EVC: variants seen among roughly 807,000 people sequenced by gnomAD.
The protein encoded by EVC is EvC ciliary complex subunit 1, also known as evC complex member EVC.
EVC carries 116 observed loss-of-function variants against 118.9 expected under a neutral mutation model. The ratio of observed to expected loss-of-function variants is 0.98; its 90% confidence interval spans 0.84 to 1.14. The LOEUF is 1.14. Ranked by LOEUF, EVC falls within the 50% of genes most tolerant of loss-of-function variation. The probability of loss-of-function intolerance (pLI) is 0.00; values close to 1 mark genes in which losing one functional copy is unlikely to be tolerated. For missense variants in EVC, 1,401 were observed against 1,246.4 expected (o/e 1.12, Z -1.87); for synonymous variants, 619 against 534.7 (o/e 1.16, Z -2.18).
At chr4:5,713,191 A>G (rs572295151) in intron 1 of EVC, among the ~76,000 whole-genome samples, 1 of 152,204 alleles carries the variant, frequency 6.6e-6, no homozygotes, top group African/African-American at 2.4e-5. Context: ...GGTGGCAGCC[A>G]TGGAGGGGTC....
intron 5 of EVC, among the ~76,000 whole-genome samples, chr4:5,740,987 A>G (rs1365462052): frequency 6.6e-6 from 1 of 152,222 alleles, no homozygotes; most frequent in African/African-American, 2.4e-5. Context: ...TACATTGCTG[A>G]TGGAAATATA....
At chr4:5,730,530 G>A (rs28667895) in intron 3 of EVC, among the ~76,000 whole-genome samples, 33,068 of 151,878 alleles carry the variant, frequency 0.22, 3,819 homozygotes, top group African/African-American at 0.26. Flanking sequence ...TAGGCCCTGC[G>A]TGGGCCCTGG....
At chr4:5,748,700 C>A (rs1729835714) in intron 8 of EVC, among the ~76,000 whole-genome samples, 1 of 114,792 alleles carries the variant, frequency 8.7e-6, no homozygotes, top group Non-Finnish European at 1.8e-5. Context: ...ATCCATCCAC[C>A]CGTCCACCCA....
In EVC at chr4:5,798,800, C is replaced by T. The variant is rs1714453119; in HGVS notation, c.2304+8C>T. 7 of 1,609,874 alleles carry T rather than the reference C, an allele frequency of 4.3e-6. No homozygotes were observed. Among genetic ancestry groups the T allele is most frequent in the Non-Finnish European group, 5.9e-6 (7 of 1,179,528 alleles). ...GACAGGGATGACTTCAAGGTATGCA[C>T]TGACCTCTGTCCCTGGGGACACCGA... On this transcript the variant is annotated splice_region_variant and intron_variant, in intron 15 of 20. Coordinates refer to ENST00000264956, the MANE Select transcript of EVC (RefSeq NM_153717.3). This position sits in a 1 kb window ranked among gnomAD's most constrained non-coding sequence, Gnocchi z 4.1.
Position 5,771,764 on chromosome 4 carries a change from T to C in EVC, c.1564-11788T>C, listed in dbSNP as rs534035697. The stretch of plus-strand genomic sequence containing the variant: ...GCTGCAGAGTGCAAGGCAGTTTCCA[T>C]GGTCCTTTATTAGGCTTAAAGGGTT... On this transcript the variant is annotated intron_variant, in intron 11 of 20. Transcript: ENST00000264956. Among the ~76,000 whole-genome samples, 480 of 152,324 alleles carry C rather than the reference T, an allele frequency of 3.2e-3. 1 individual carries two copies. The highest frequency in any genetic ancestry group is 5.5e-3 in the Non-Finnish European group (376 of 68,030).
intron 12 of EVC, 74 bp downstream of exon 12, chr4:5,783,838 G>A (rs909153920): frequency 4.4e-5 from 60 of 1,372,760 alleles, no homozygotes; most frequent in South Asian, 1.4e-4. Context: ...GAGATCTCAC[G>A]TCCTGAACAC....
intron 11 of EVC, among the ~76,000 whole-genome samples, chr4:5,770,659 C>A (rs1316074332): frequency 6.6e-6 from 1 of 152,166 alleles, no homozygotes; most frequent in Non-Finnish European, 1.5e-5. Context: ...CAGGGCATAA[C>A]CCACTCTAGA....
At chr4:5,825,608 C>G in the EVC span, 2 of 1,605,642 alleles carry the variant, frequency 1.2e-6, no homozygotes, top group Non-Finnish European at 1.7e-6. This position sits in a 1 kb window ranked among gnomAD's most constrained non-coding sequence, Gnocchi z 4.4. Flanking sequence ...GCTGGTACCT[C>G]GTACACAGGA....
At chr4:5,790,105 C>T (rs931776131) in intron 12 of EVC, among the ~76,000 whole-genome samples, 1 of 143,096 alleles carries the variant, frequency 7.0e-6, no homozygotes, top group Non-Finnish European at 1.5e-5. Context: ...CCCTTGAACT[C>T]GGGAAGCGGA....
At chr4:5,767,976 G>C (rs1733223603) in intron 11 of EVC, among the ~76,000 whole-genome samples, 1 of 152,172 alleles carries the variant, frequency 6.6e-6, no homozygotes, top group Non-Finnish European at 1.5e-5. Flanking sequence ...TGCTAACCAG[G>C]CATCTTGGGA....
At chr4:5,810,749 GATGGCTGTGGTC>G (rs1159573232) in intron 20 of EVC, among the ~76,000 whole-genome samples, 192 bp from the exon 21 acceptor site, 1 of 152,192 alleles carries the variant, frequency 6.6e-6, no homozygotes, top group Admixed American at 6.5e-5. Flanking sequence ...TTTGACCAGG[GATGGCTGTGGTC>G]ATGGCACTTG....
At chr4:5,745,162 TTTC>T in intron 6 of EVC, 39 bp from the exon 7 acceptor site, 1 of 1,598,124 alleles carries the variant, frequency 6.3e-7, no homozygotes, top group Non-Finnish European at 8.5e-7. Context: ...CGCTAAACTT[TTTC>T]TTTGTTTATT....
chr4:5,753,936 G>T lies in EVC; in HGVS notation c.1464+3G>T. The T allele has an allele frequency of 1.9e-6, 3 of 1,612,792 alleles. No individual in the cohort carries two copies. Among genetic ancestry groups the T allele is most frequent in the Non-Finnish European group, 2.5e-6 (3 of 1,180,020 alleles). On this transcript the variant is annotated splice_donor_region_variant and intron_variant, in intron 10 of 20. Coordinates refer to ENST00000264956, the MANE Select transcript of EVC (RefSeq NM_153717.3). The stretch of plus-strand genomic sequence containing the variant: ...CTGACCCGGAAAAGTTTCTCGAGGT[G>T]ACTCACATCCCCAGCCTCTGCACAT...
At chr4:5,773,919 C>T (rs11936142) in intron 11 of EVC, among the ~76,000 whole-genome samples, 1 of 152,144 alleles carries the variant, frequency 6.6e-6, no homozygotes, top group Non-Finnish European at 1.5e-5. Context: ...TTCTTGGGTC[C>T]TGTGATGAGG....
intron 1 of EVC, among the ~76,000 whole-genome samples, chr4:5,714,995 G>T (rs573860951): frequency 6.7e-5 from 10 of 149,636 alleles, no homozygotes; most frequent in African/African-American, 2.0e-4. Context: ...TCTATTTTCT[G>T]TAGAGTTAGA....
intron 1 of EVC, among the ~76,000 whole-genome samples, chr4:5,712,005 A>T (rs948116108): frequency 6.6e-6 from 1 of 151,912 alleles, no homozygotes; most frequent in Non-Finnish European, 1.5e-5. Flanking sequence ...TCATTTTTTC[A>T]TTCACCCCAC....
chr4:5,775,811 T>C (rs550537457), intron 11 of EVC, among the ~76,000 whole-genome samples: 1 of 152,306 alleles, frequency 6.6e-6, no homozygotes, highest in Non-Finnish European at 1.5e-5. Flanking sequence ...GATTAAAGAA[T>C]ATGTGTAGCT....
rs532356698 is a variant in EVC, at chr4:5,716,003, G to C, written c.175-3245G>C. On this transcript the variant is annotated intron_variant, in intron 1 of 20. Transcript: ENST00000264956. ...GTGATCCACCTGCCTCGGCCTCCCA[G>C]AGTGCTGGGATTACAGGCGTGAGCT... Among the ~76,000 whole-genome samples the C allele has an allele frequency of 6.6e-5, 10 of 152,288 alleles. No individual in the cohort carries two copies. In the East Asian group the frequency reaches 1.7e-3, roughly 27 times the overall value.
At chr4:5,765,988 A>C (rs6846906) in intron 11 of EVC, among the ~76,000 whole-genome samples, 91,873 of 116,298 alleles carry the variant, frequency 0.79, 37,192 homozygotes, top group African/African-American at 0.86. Context: ...GATGCAGTTT[A>C]TTCCTAGTCT....
Sources: gnomAD v4.1 joint callset for allele counts (sites outside exome capture counted in the v4.1 genomes callset) on GRCh38, gnomAD v4.1.1 for gene constraint, Gnocchi (gnomAD v3.1) non-coding constraint, MANE v1.5 for transcripts, NCBI Gene and HGNC (gene_info 2026-07-23, HGNC 2026-07-21) for gene names.